Variants in ITFG1 observed in about 807,000 individuals in gnomAD.
ITFG1 encodes T-cell immunomodulatory protein.
A neutral mutation model predicts 81.8 loss-of-function variants in ITFG1; 34 were observed. The observed-to-expected ratio is 0.42, with a 90% CI of 0.32 to 0.55. ITFG1 has a LOEUF of 0.55. Ranked by LOEUF, ITFG1 falls within the 20% of genes least tolerant of loss-of-function variation. The pLI is 0.17. For missense variants in ITFG1, 672 were observed against 755.4 expected (o/e 0.89, Z 1.29); for synonymous variants, 285 against 270.6 (o/e 1.05, Z -0.52).
chr16:47,440,279 A>C (rs1969228813), intron 5 of ITFG1, among the ~76,000 whole-genome samples: 1 of 152,248 alleles, frequency 6.6e-6, no homozygotes, highest in Non-Finnish European at 1.5e-5. Flanking sequence ...CAGATCAACG[A>C]AACAGAAAGT....
intron 10 of ITFG1, among the ~76,000 whole-genome samples, chr16:47,266,210 TTTTG>T (rs1293543439): frequency 2.6e-5 from 4 of 151,966 alleles, no homozygotes; most frequent in Admixed American, 1.3e-4. Context: ...GGTAAAATTT[TTTTG>T]TTTGTTTGTT....
Position 47,154,795 on chromosome 16 carries a change from G to A in ITFG1, c.*924C>T, listed in dbSNP as rs1322982921. The A allele has an allele frequency of 6.6e-6, 1 of 152,098 alleles. No homozygotes were observed. The highest frequency in any genetic ancestry group is 1.5e-5 in the Non-Finnish European group (1 of 67,994). The allele number at this position is 152,098 out of a possible 1,614,324, so 9.4% of individuals were successfully genotyped here. A position where few individuals can be genotyped will look rare whatever the true frequency, so the allele number is the denominator to read the frequency against. Reference sequence around the variant, plus strand: ...TATCACATGATAAGGATAAGTTTTTGGAGGAAAATTTTTAGGGCACATTAA... The same window carrying A: ...TATCACATGATAAGGATAAGTTTTTAGAGGAAAATTTTTAGGGCACATTAA... On this transcript the variant is annotated 3_prime_UTR_variant, in exon 18 of 18. Transcript: ENST00000320640.
chr16:47,303,272 A>G (rs1967106065), intron 10 of ITFG1, among the ~76,000 whole-genome samples: 1 of 148,484 alleles, frequency 6.7e-6, no homozygotes, highest in Non-Finnish European at 1.5e-5. Context: ...CTCCATCTCA[A>G]AAAAAAAAGA....
At chr16:47,350,053 A>G (rs1567469977) in intron 8 of ITFG1, among the ~76,000 whole-genome samples, 3 of 152,228 alleles carry the variant, frequency 2.0e-5, no homozygotes, top group Admixed American at 1.3e-4. Context: ...TCTCTGGGAC[A>G]CATTCAAAGC....
chr16:47,402,953 C>T (rs952496936), intron 6 of ITFG1, among the ~76,000 whole-genome samples: 1 of 152,020 alleles, frequency 6.6e-6, no homozygotes, highest in Non-Finnish European at 1.5e-5. Flanking sequence ...TATGCAATAA[C>T]TAATATACTG....
chr16:47,296,393 G>A (rs984355152), intron 10 of ITFG1, among the ~76,000 whole-genome samples: 2 of 152,082 alleles, frequency 1.3e-5, no homozygotes, highest in Non-Finnish European at 2.9e-5. Context: ...TTGATCCAAA[G>A]ACTGTTCAGG....
chr16:47,285,651 G>C (rs1249815008), intron 10 of ITFG1, among the ~76,000 whole-genome samples: 1 of 152,102 alleles, frequency 6.6e-6, no homozygotes, highest in Admixed American at 6.5e-5. Flanking sequence ...CTGCTGCTTT[G>C]TGTGTGGGGA....
rs1256099776 is a variant in ITFG1, at chr16:47,385,733, G to A, written c.656-9793C>T. Among the ~76,000 whole-genome samples the A allele has an allele frequency of 3.3e-5, 5 of 152,196 alleles. No individual in the cohort carries two copies. The East Asian group carries it at 9.6e-4, about 29-fold the overall frequency. ...TAGCAGAATGCTAGTTATAGGTCATGCTGAGTGCTCACTTCAATGAGAAGA... is the reference window on the plus strand; with the variant it reads ...TAGCAGAATGCTAGTTATAGGTCATACTGAGTGCTCACTTCAATGAGAAGA... On this transcript the variant is annotated intron_variant, in intron 6 of 17. Transcript: ENST00000320640.
At chr16:47,423,484 G>A (rs146924214) in intron 6 of ITFG1, among the ~76,000 whole-genome samples, 4,885 of 152,178 alleles carry the variant, frequency 0.032, 111 homozygotes, top group East Asian at 0.097. Flanking sequence ...TATGATGCTC[G>A]CTGGTTATTT....
intron 14 of ITFG1, among the ~76,000 whole-genome samples, chr16:47,208,355 T>C (rs1274740654): frequency 6.6e-6 from 1 of 152,156 alleles, no homozygotes; most frequent in Non-Finnish European, 1.5e-5. Context: ...AACTAATCCA[T>C]GTATAAGAAC....
chr16:47,425,702 C>T (rs1044654027), intron 6 of ITFG1: 1 of 151,926 alleles, frequency 6.6e-6, no homozygotes, highest in African/African-American at 2.4e-5. Context: ...AAGTGATTCT[C>T]CTACCTCAGC....
At chr16:47,257,898 A>AG (rs1468173296) in intron 12 of ITFG1, among the ~76,000 whole-genome samples, 1 of 152,216 alleles carries the variant, frequency 6.6e-6, no homozygotes, top group Non-Finnish European at 1.5e-5. Context: ...GCTTGGGACA[A>AG]GGGGGGTACA....
At chr16:47,345,473 AT>A (rs1967840779) in intron 8 of ITFG1, among the ~76,000 whole-genome samples, 1 of 151,786 alleles carries the variant, frequency 6.6e-6, no homozygotes, top group Non-Finnish European at 1.5e-5. Flanking sequence ...GCTATTTTGT[AT>A]TTTTTGTAGA....
At chr16:47,298,193 G>A (rs1178297731) in intron 10 of ITFG1, among the ~76,000 whole-genome samples, 13 of 151,706 alleles carry the variant, frequency 8.6e-5, no homozygotes, top group Admixed American at 2.6e-4. Flanking sequence ...TATCCATCTC[G>A]TTGGTACACT....
chr16:47,231,642 G>T (rs1965817667), intron 13 of ITFG1, among the ~76,000 whole-genome samples: 2 of 152,160 alleles, frequency 1.3e-5, no homozygotes, highest in Non-Finnish European at 2.9e-5. Flanking sequence ...TACCAATATA[G>T]GGATGTTATA....
In ITFG1 at chr16:47,387,502, C is replaced by T. The variant is rs1159134225; in HGVS notation, c.656-11562G>A. 2.0e-5 allele frequency among the ~76,000 whole-genome samples: 3 copies of T among 152,138 alleles called. No individual in the cohort carries two copies. The East Asian group carries it at 5.8e-4, about 29-fold the overall frequency. ...GTAAAAAAGCCAGCCTCCTTTGGTG[C>T]TGGTGGGAGGTTCATGCCCCTCAAG... On this transcript the variant is annotated intron_variant, in intron 6 of 17. Coordinates refer to ENST00000320640, the MANE Select transcript of ITFG1 (RefSeq NM_030790.5).
At chr16:47,215,003 C>T (rs984061637) in intron 14 of ITFG1, among the ~76,000 whole-genome samples, 5 of 151,722 alleles carry the variant, frequency 3.3e-5, no homozygotes, top group Admixed American at 3.3e-4. Flanking sequence ...CAATACTTTA[C>T]CATCTGGGAT....
chr16:47,286,244 C>T (rs1966868866), intron 10 of ITFG1, among the ~76,000 whole-genome samples: 1 of 152,180 alleles, frequency 6.6e-6, no homozygotes, highest in Non-Finnish European at 1.5e-5. Flanking sequence ...TCCAAATTGT[C>T]CTCCATTATG....
chr16:47,200,939 A>T (rs1965416962), intron 14 of ITFG1, among the ~76,000 whole-genome samples: 1 of 152,240 alleles, frequency 6.6e-6, no homozygotes, highest in Non-Finnish European at 1.5e-5. Flanking sequence ...ATACATCACC[A>T]ATTTACTAAA....
Sources: gnomAD v4.1 joint callset for allele counts (sites outside exome capture counted in the v4.1 genomes callset) on GRCh38, gnomAD v4.1.1 for gene constraint, MANE v1.5 for transcripts, NCBI Gene and HGNC (gene_info 2026-07-23, HGNC 2026-07-21) for gene names.